The following IGF1 variants were observed in gnomAD, a reference collection of about 807,000 sequenced individuals.
IGF1 encodes the protein insulin-like growth factor 1.
In IGF1, 4 loss-of-function variants were observed where a neutral mutation model predicts 13.8. The observed-to-expected ratio is 0.29, with a 90% confidence interval of 0.14 to 0.66. IGF1 has a LOEUF of 0.66. Ranked by LOEUF, IGF1 falls within the 30% of genes least tolerant of loss-of-function variation. The pLI is 0.78. For missense variants in IGF1, 124 were observed against 188.5 expected, an observed-to-expected ratio of 0.66 and a Z score of 2.00; for synonymous variants, 76 against 72.6, an observed-to-expected ratio of 1.05 and a Z score of -0.23.
intron 2 of IGF1, among the ~76,000 whole-genome samples, chr12:102,455,194 T>A (rs1879286953): frequency 6.6e-6 from 1 of 152,244 alleles, no homozygotes. Flanking sequence ...TGCCTAGAAC[T>A]TCTGACTCAA....
At chr12:102,480,565 G>A, upstream of IGF1, 4 of 1,444,568 alleles carry the variant, frequency 2.8e-6, no homozygotes, top group Admixed American at 7.5e-5. Context: ...AAACAGAAGA[G>A]GGATTTAGAG....
At chr12:102,474,713 A>G (rs1432157822) in intron 2 of IGF1, among the ~76,000 whole-genome samples, 2 of 152,090 alleles carry the variant, frequency 1.3e-5, no homozygotes, top group Non-Finnish European at 2.9e-5. Context: ...ACTCTCTAAA[A>G]CTCCAAAGAA....
intron 2 of IGF1, among the ~76,000 whole-genome samples, chr12:102,441,953 T>TTCTTCTTCTTCTTCTTTCTTCTTCTTC (rs1555244154): frequency 1.4e-5 from 2 of 140,310 alleles, no homozygotes; most frequent in Non-Finnish European, 3.1e-5. Context: ...CTTCTTCTTC[T>TTCTTCTTCTTCTTCTTTCTTCTTCTTC]TCTTTTTTTT....
At chr12:102,411,682 A>T (rs932282137) in intron 3 of IGF1, among the ~76,000 whole-genome samples, 1 of 152,212 alleles carries the variant, frequency 6.6e-6, no homozygotes, top group East Asian at 1.9e-4. Context: ...TCTTATCTTC[A>T]TATGGGCATT....
In IGF1 at chr12:102,402,390, CTTTTAAATGTTA is replaced by C. The variant is rs1181964782; in HGVS notation, c.*105_*116del. ...GTATTTCATTGGGGGAAACGCCCAT[CTTTTAAATGTTA>C]TCAAACTTATTTTTTGGTAGGTGTT... On this transcript the variant is annotated 3_prime_UTR_variant, in exon 4 of 4. Coordinates refer to ENST00000337514, the MANE Select transcript of IGF1 (RefSeq NM_000618.5). 37 of 775,194 alleles carry C rather than the reference CTTTTAAATGTTA, an allele frequency of 4.8e-5. No individual in the cohort carries two copies. Among genetic ancestry groups the C allele is most frequent in the Non-Finnish European group, 4.8e-6 (2 of 415,178 alleles). The allele number at this position is 775,194 out of a possible 1,614,324, so 48.0% of individuals were successfully genotyped here. A position where few individuals can be genotyped will look rare whatever the true frequency, so the allele number is the denominator to read the frequency against.
intron 2 of IGF1, among the ~76,000 whole-genome samples, chr12:102,452,303 T>A (rs1354185968): frequency 4.8e-5 from 7 of 146,466 alleles, no homozygotes; most frequent in African/African-American, 1.7e-4. Context: ...TATGTCTACT[T>A]CTTCTGCCAT....
At chr12:102,440,771 C>T (rs180878655) in intron 2 of IGF1, among the ~76,000 whole-genome samples, 5 of 152,144 alleles carry the variant, frequency 3.3e-5, no homozygotes, top group East Asian at 3.9e-4. Flanking sequence ...TCAGTTTCCC[C>T]GTATTTAAGT....
chr12:102,465,820 C>G (rs1420264629), intron 2 of IGF1, among the ~76,000 whole-genome samples: 1 of 152,068 alleles, frequency 6.6e-6, no homozygotes, highest in African/African-American at 2.4e-5. Flanking sequence ...GCCTGTCATC[C>G]CAGCTACTCG....
Position 102,475,734 on chromosome 12 carries a change from G to A in IGF1, c.129C>T (p.Thr43=), listed in dbSNP as rs1183465242. ...FYLALCLLTF[T]SSATAGPETL... ...TCTCCGGTCCAGCCGTGGCAGAGCTGGTGAAGGTGAGCAGGCACAGCGCCA... is the reference window on the plus strand; with the variant it reads ...TCTCCGGTCCAGCCGTGGCAGAGCTAGTGAAGGTGAGCAGGCACAGCGCCA... The change falls in exon 2 of 4, where the codon ACC becomes ACT. Residue 43 remains threonine (T), a synonymous_variant. Coordinates refer to ENST00000337514, the MANE Select transcript of IGF1 (RefSeq NM_000618.5). 6.2e-7 allele frequency: 1 copy of A among 1,614,212 alleles called. No individual in the cohort carries two copies. The highest frequency in any genetic ancestry group is 1.7e-5 in the Admixed American group (1 of 60,032).
chr12:102,465,020 T>G (rs1880200306), intron 2 of IGF1, among the ~76,000 whole-genome samples: 1 of 152,164 alleles, frequency 6.6e-6, no homozygotes, highest in Non-Finnish European at 1.5e-5. Context: ...CTTTGCTGCT[T>G]CTTCCAATGA....
intron 2 of IGF1, among the ~76,000 whole-genome samples, chr12:102,441,942 T>TCTTCTCCTTCTCCTTCTCCTTCTC (rs1877843944): frequency 1.4e-5 from 2 of 139,470 alleles, no homozygotes; most frequent in Admixed American, 1.6e-4. Context: ...TTCTTCTTCT[T>TCTTCTCCTTCTCCTTCTCCTTCTC]CTTCTTCTTC....
intron 2 of IGF1, among the ~76,000 whole-genome samples, chr12:102,444,081 C>G (rs981089526): frequency 6.6e-6 from 1 of 151,888 alleles, no homozygotes; most frequent in African/African-American, 2.4e-5. Flanking sequence ...CCTGCCTCAG[C>G]CTCTCAAAGT....
intron 2 of IGF1, among the ~76,000 whole-genome samples, chr12:102,460,931 C>CT (rs966234841): frequency 5.9e-5 from 9 of 152,080 alleles, no homozygotes; most frequent in African/African-American, 2.2e-4. Context: ...ATATTAGTGA[C>CT]TTTTTTTCCC....
chr12:102,475,814 G>A lies in IGF1; in HGVS notation c.64-15C>T, dbSNP rs2137276472. 6.2e-7 allele frequency: 1 copy of A among 1,608,008 alleles called. No homozygotes were observed. The highest frequency in any genetic ancestry group is 1.1e-5 in the South Asian group (1 of 90,130). ...TGCATCTTCACCTGCCCAAGAAACAGAGGGAGGGTCAGGTTTCCTCCTTGA... is the reference window on the plus strand; with the variant it reads ...TGCATCTTCACCTGCCCAAGAAACAAAGGGAGGGTCAGGTTTCCTCCTTGA... On this transcript the variant is annotated splice_polypyrimidine_tract_variant and intron_variant, in intron 1 of 3. Transcript: ENST00000337514.
At chr12:102,441,019 G>A (rs1450244551) in intron 2 of IGF1, among the ~76,000 whole-genome samples, 1 of 152,132 alleles carries the variant, frequency 6.6e-6, no homozygotes, top group African/African-American at 2.4e-5. Context: ...TTAATATTGT[G>A]TTGGGGAATA....
At chr12:102,403,906 G>T (rs1380185111) in intron 3 of IGF1, among the ~76,000 whole-genome samples, 1 of 152,102 alleles carries the variant, frequency 6.6e-6, no homozygotes, top group East Asian at 1.9e-4. Context: ...TAAAATGAGT[G>T]AAATGAATGA....
chr12:102,427,016 C>T (rs2137030468), intron 2 of IGF1, among the ~76,000 whole-genome samples: 1 of 152,270 alleles, frequency 6.6e-6, no homozygotes, highest in South Asian at 2.1e-4. Flanking sequence ...CCTGGAATGA[C>T]TGAAAACCAG....
intron 2 of IGF1, among the ~76,000 whole-genome samples, chr12:102,426,630 C>G (rs1476347866): frequency 6.6e-6 from 1 of 152,190 alleles, no homozygotes; most frequent in Admixed American, 6.5e-5. Context: ...TCAATCAAGT[C>G]AAATAAGGCG....
chr12:102,434,917 A>G (rs1461204865), intron 2 of IGF1, among the ~76,000 whole-genome samples: 1 of 152,034 alleles, frequency 6.6e-6, no homozygotes, highest in Admixed American at 6.6e-5. Context: ...GCATTTTTTC[A>G]TGTATTTTTT....
Sources: allele counts gnomAD v4.1 joint callset (sites outside exome capture counted in the v4.1 genomes callset), GRCh38; gene constraint gnomAD v4.1.1; transcripts MANE v1.5; gene names NCBI Gene and HGNC (gene_info 2026-07-23, HGNC 2026-07-21).